Variants in SPAG16 observed in about 807,000 individuals in gnomAD.
SPAG16 encodes the protein sperm-associated antigen 16 protein.
Under a neutral mutation model 80.4 loss-of-function variants are expected in SPAG16, and 86 were observed. The ratio of observed to expected loss-of-function variants is 1.07; its 90% CI spans 0.90 to 1.28. The LOEUF (loss-of-function observed/expected upper bound fraction) is 1.28. Among genes scored for constraint, SPAG16 ranks in the 50% most tolerant of loss-of-function variants. SPAG16 has a pLI of 0.00. For missense variants in SPAG16, 870 were observed against 765.3 expected, an observed-to-expected ratio of 1.14 and a Z score of -1.61; for synonymous variants, 294 against 265.9, an observed-to-expected ratio of 1.11 and a Z score of -1.03.
chr2:213,681,831 C>G (rs906495530), intron 10 of SPAG16, among the ~76,000 whole-genome samples: 2 of 152,112 alleles, frequency 1.3e-5, no homozygotes, highest in Non-Finnish European at 2.9e-5. Flanking sequence ...AGTGAATCAG[C>G]CTTGGCTTTT....
intron 12 of SPAG16, among the ~76,000 whole-genome samples, chr2:214,009,093 A>C (rs2124929515): frequency 6.6e-6 from 1 of 152,246 alleles, no homozygotes; most frequent in Admixed American, 6.5e-5. Context: ...TCAGCAATCA[A>C]CCATAGAGCA....
chr2:213,632,266 T>G (rs769770438), intron 10 of SPAG16, among the ~76,000 whole-genome samples: 13 of 152,186 alleles, frequency 8.5e-5, no homozygotes, highest in Non-Finnish European at 1.6e-4. Flanking sequence ...TTAAATTTTT[T>G]TTCACATTCT....
chr2:213,438,438 A>G (rs2070759014), intron 9 of SPAG16, among the ~76,000 whole-genome samples: 1 of 152,220 alleles, frequency 6.6e-6, no homozygotes. Context: ...TTATTTTTAT[A>G]TAACAAGTTT....
rs1333520192 is a variant in SPAG16, at chr2:214,048,866, T to C, written c.1527+34789T>C. Among the ~76,000 whole-genome samples the C allele has an allele frequency of 3.9e-5, 6 of 152,166 alleles. No homozygotes were observed. The South Asian group carries it at 1.0e-3, about 26-fold the overall frequency. On this transcript the variant is annotated intron_variant, in intron 13 of 15. Coordinates refer to ENST00000331683, the MANE Select transcript of SPAG16 (RefSeq NM_024532.5). ...AATTAAAAAAGAAACAAAAAAATCT[T>C]ATTATTCCATATTGGTGAAATATAA...
chr2:213,576,887 G>T (rs982762021), intron 10 of SPAG16, among the ~76,000 whole-genome samples: 4 of 152,074 alleles, frequency 2.6e-5, no homozygotes, highest in African/African-American at 9.7e-5. Context: ...AATAACAAAT[G>T]GGTATGAGGC....
chr2:213,358,443 G>C (rs537467162), intron 7 of SPAG16, among the ~76,000 whole-genome samples: 1 of 152,088 alleles, frequency 6.6e-6, no homozygotes, highest in Non-Finnish European at 1.5e-5. Flanking sequence ...TTTCTTGGAG[G>C]CTTTGTTCAT....
At chr2:213,828,237 G>C (rs2073418230) in intron 10 of SPAG16, among the ~76,000 whole-genome samples, 1 of 151,926 alleles carries the variant, frequency 6.6e-6, no homozygotes, top group African/African-American at 2.4e-5. Flanking sequence ...TCCTCTGACT[G>C]ATGTTTTCAA....
At chr2:214,007,185 A>T (rs935229955) in intron 12 of SPAG16, among the ~76,000 whole-genome samples, 4 of 152,238 alleles carry the variant, frequency 2.6e-5, no homozygotes, top group African/African-American at 9.6e-5. Context: ...TTGCCTAAAA[A>T]TACTAATAAA....
intron 12 of SPAG16, among the ~76,000 whole-genome samples, chr2:213,996,451 A>T (rs1208281700): frequency 6.6e-6 from 1 of 152,202 alleles, no homozygotes; most frequent in African/African-American, 2.4e-5. Flanking sequence ...AAAAGTCAGA[A>T]TGTAGCCACT....
intron 10 of SPAG16, among the ~76,000 whole-genome samples, chr2:213,617,937 A>G (rs1440576493): frequency 6.6e-6 from 1 of 152,188 alleles, no homozygotes; most frequent in Non-Finnish European, 1.5e-5. Context: ...CTGTGTGTCT[A>G]CAAAACTTTC....
At chr2:214,124,612 T>C (rs878947540) in intron 14 of SPAG16, among the ~76,000 whole-genome samples, 1 of 151,818 alleles carries the variant, frequency 6.6e-6, no homozygotes, top group Admixed American at 6.7e-5. Context: ...ATAAGCACAA[T>C]TACAAGAAAA....
At chr2:213,524,689 C>T (rs2075818614) in intron 10 of SPAG16, among the ~76,000 whole-genome samples, 1 of 152,204 alleles carries the variant, frequency 6.6e-6, no homozygotes, top group Non-Finnish European at 1.5e-5. Context: ...TTGCATGGGG[C>T]ATGTAGCCCC....
chr2:213,412,084 C>T (rs2069002730), intron 9 of SPAG16, among the ~76,000 whole-genome samples: 1 of 152,126 alleles, frequency 6.6e-6, no homozygotes, highest in Non-Finnish European at 1.5e-5. Flanking sequence ...ACCTACTCCA[C>T]CCTGACTCAT....
intron 10 of SPAG16, among the ~76,000 whole-genome samples, chr2:213,665,130 T>C (rs148404666): frequency 1.3e-5 from 2 of 152,238 alleles, no homozygotes; most frequent in African/African-American, 2.4e-5. Context: ...GGTTCTCTGA[T>C]GGTATCTTTT....
rs1010505845 is a variant in SPAG16 at position 213,481,969 on chromosome 2, A to T, written c.943-7994A>T. Reference sequence around the variant, plus strand: ...CATACTATAATTGGGAATTACAGACAGTAATAGGATATCCTGACTTGGTAA... The same window carrying T: ...CATACTATAATTGGGAATTACAGACTGTAATAGGATATCCTGACTTGGTAA... On this transcript the variant is annotated intron_variant, in intron 9 of 15. Coordinates refer to ENST00000331683, the MANE Select transcript of SPAG16 (RefSeq NM_024532.5). 3.3e-5 allele frequency among the ~76,000 whole-genome samples: 5 copies of T among 152,364 alleles called. No individual in the cohort carries two copies. The South Asian group carries it at 1.0e-3, about 32-fold the overall frequency.
chr2:214,043,250 T>C (rs1338230238), intron 13 of SPAG16, among the ~76,000 whole-genome samples: 1 of 152,104 alleles, frequency 6.6e-6, no homozygotes, highest in Non-Finnish European at 1.5e-5. Context: ...CTATTTCACA[T>C]TTTCCAGGGA....
At chr2:213,674,177 A>G (rs2063936185) in intron 10 of SPAG16, among the ~76,000 whole-genome samples, 1 of 152,246 alleles carries the variant, frequency 6.6e-6, no homozygotes, top group African/African-American at 2.4e-5. Flanking sequence ...AAGTAACTCT[A>G]TATCATTCAA....
intron 15 of SPAG16, among the ~76,000 whole-genome samples, chr2:214,258,471 G>GTGTGTGTGTATATATATATATATATATA (rs1553539128): frequency 1.7e-4 from 24 of 141,436 alleles, no homozygotes; most frequent in African/African-American, 5.2e-4. Context: ...ATGTGTGTGT[G>GTGTGTGTGTATATATATATATATATATA]TATATATATA....
intron 13 of SPAG16, among the ~76,000 whole-genome samples, chr2:214,019,924 G>T (rs1003613777): frequency 2.6e-5 from 4 of 152,102 alleles, no homozygotes; most frequent in South Asian, 2.1e-4. Context: ...TTAAAATAAT[G>T]TAGTAATTGC....
Sources: allele counts gnomAD v4.1 joint callset (sites outside exome capture counted in the v4.1 genomes callset), GRCh38; gene constraint gnomAD v4.1.1; transcripts MANE v1.5; gene names NCBI Gene and HGNC (gene_info 2026-07-23, HGNC 2026-07-21).